MCPH1: variants seen among roughly 807,000 people sequenced by gnomAD.
The protein encoded by MCPH1 is microcephalin.
MCPH1 carries 104 observed loss-of-function variants against 84.5 expected under a neutral mutation model. The observed-to-expected ratio is 1.23, with a 90% CI of 1.05 to 1.45. The LOEUF (loss-of-function observed/expected upper bound fraction) is 1.45, where lower values mean the gene tolerates loss of function less well. MCPH1 is among the 40% of genes most tolerant of loss of function. MCPH1 has a pLI of 0.00. For synonymous variants in MCPH1, 514 were observed against 366.8 expected (o/e 1.40, Z -4.58); for missense variants, 1,498 against 1,005.7 (o/e 1.49, Z -6.62).
rs189785852 is a variant in MCPH1, at chr8:6,514,109, C to T, written c.2214+14180C>T. Among the ~76,000 whole-genome samples, 53 of 152,304 alleles carry T rather than the reference C, an allele frequency of 3.5e-4. 2 individuals carry two copies. Among genetic ancestry groups the T allele is most frequent in the African/African-American group, 1.3e-3 (52 of 41,556 alleles). Reference sequence around the variant, plus strand: ...CCAGCAGAAGCCTTGGCATAAACAGCTCAGTTCATGGGAATGTGAAGCACC... The same window carrying T: ...CCAGCAGAAGCCTTGGCATAAACAGTTCAGTTCATGGGAATGTGAAGCACC... On this transcript the variant is annotated intron_variant, in intron 12 of 13. Coordinates refer to ENST00000344683, the MANE Select transcript of MCPH1 (RefSeq NM_024596.5).
At chr8:6,636,564 C>G (rs2433144) in intron 13 of MCPH1, among the ~76,000 whole-genome samples, 2 of 152,068 alleles carry the variant, frequency 1.3e-5, no homozygotes, top group East Asian at 3.9e-4. Context: ...ATTGCAGCCT[C>G]TAACTCCTGG....
At chr8:6,568,752 A>ACTGTCTCCCGC (rs1826424179) in intron 12 of MCPH1, among the ~76,000 whole-genome samples, 1 of 152,320 alleles carries the variant, frequency 6.6e-6, no homozygotes, top group South Asian at 2.1e-4. Flanking sequence ...CCCTCCTGAG[A>ACTGTCTCCCGC]CTGTCTCCCG....
chr8:6,532,239 G>T, intron 12 of MCPH1: 4 of 1,451,242 alleles, frequency 2.8e-6, no homozygotes, highest in Admixed American at 2.0e-5. Flanking sequence ...GCTTTCTTTA[G>T]TTTCTCATGC....
chr8:6,443,237 G>A lies in MCPH1; in HGVS notation c.670+1081G>A, dbSNP rs531185124. On this transcript the variant is annotated intron_variant, in intron 7 of 13. Transcript: ENST00000344683. ...CAAACCCAAGCTTCTAACTTAGGCA[G>A]TCTGACATCACAGATTACACTCTTA... is the stretch of plus-strand genomic sequence containing the variant. Among the ~76,000 whole-genome samples, 3 of 152,344 alleles carry A rather than the reference G, an allele frequency of 2.0e-5. No individual in the cohort carries two copies. In the South Asian group the frequency reaches 6.2e-4, roughly 32 times the overall value.
chr8:6,469,922 T>G (rs1430487885), intron 9 of MCPH1, among the ~76,000 whole-genome samples: 1 of 152,160 alleles, frequency 6.6e-6, no homozygotes, highest in Non-Finnish European at 1.5e-5. Flanking sequence ...TGTTATTGTT[T>G]CTCACTGGTC....
chr8:6,581,070 CTA>C lies in MCPH1; in HGVS notation c.2215-40382_2215-40381del, dbSNP rs1827530766. On this transcript the variant is annotated intron_variant, in intron 12 of 13. Coordinates refer to ENST00000344683, the MANE Select transcript of MCPH1 (RefSeq NM_024596.5). ...ATAAGTAATCTAGGGATGATTTAAA[CTA>C]TGTGGGAAGATGTGCCTAGGTTATA... Among the ~76,000 whole-genome samples, 8 of 152,264 alleles carry C rather than the reference CTA, an allele frequency of 5.3e-5. No homozygotes were observed. The South Asian group carries it at 1.7e-3, about 32-fold the overall frequency.
chr8:6,554,739 C>T (rs1824288713), intron 12 of MCPH1, among the ~76,000 whole-genome samples: 1 of 152,102 alleles, frequency 6.6e-6, no homozygotes, highest in Non-Finnish European at 1.5e-5. Flanking sequence ...TAATTACCAT[C>T]AGAGGAGCCC....
At chr8:6,423,497 A>AT (rs1303837256) in intron 3 of MCPH1, among the ~76,000 whole-genome samples, 3 of 151,990 alleles carry the variant, frequency 2.0e-5, no homozygotes, top group Non-Finnish European at 4.4e-5. Context: ...ATTACAGGTC[A>AT]TTTTTTTGCC....
At chr8:6,495,537 A>C (rs1228633128) in intron 11 of MCPH1, among the ~76,000 whole-genome samples, 1 of 152,242 alleles carries the variant, frequency 6.6e-6, no homozygotes, top group African/African-American at 2.4e-5. Flanking sequence ...TACTAAGACA[A>C]AGGATCTATA....
rs910720706 is a variant in MCPH1, at chr8:6,508,756, T to C, written c.2214+8827T>C. 1.3e-5 allele frequency: 12 copies of C among 890,260 alleles called. No homozygotes were observed. In the African/African-American group the frequency reaches 1.8e-4, roughly 14 times the overall value. 55.1% of individuals were successfully genotyped at this position (890,260 alleles called of 1,614,324 possible). ...GTCTAGCTCCATATCATATTCTCAC[T>C]TAAAACTTAGTCTAAAAAAAGTGAA... On this transcript the variant is annotated intron_variant, in intron 12 of 13. Transcript: ENST00000344683.
intron 7 of MCPH1, among the ~76,000 whole-genome samples, chr8:6,444,019 T>G (rs182226349): frequency 6.6e-6 from 1 of 152,206 alleles, no homozygotes; most frequent in Non-Finnish European, 1.5e-5. Context: ...TCTAGAACTT[T>G]CCCTAGATCT....
chr8:6,480,851 G>A lies in MCPH1; in HGVS notation c.2111G>A (p.Gly704Asp), dbSNP rs1809131109. ...AATGTGCTGCTGGGAATTGCGCGTG[G>A]CTGCTGGGTTCTCTCTTATGATTGG... ...TLNVLLGIAR[G>D]CWVLSYDWVL... The change falls in exon 11 of 14, where the codon GGC becomes GAC. Residue 704 changes from glycine to aspartate, a missense_variant. Physicochemically the swap from Gly to Asp is moderately conservative, Grantham distance 94. Coordinates refer to ENST00000344683, the MANE Select transcript of MCPH1 (RefSeq NM_024596.5). 1 of 1,614,036 alleles carries A rather than the reference G, an allele frequency of 6.2e-7. No homozygotes were observed. Among genetic ancestry groups the A allele is most frequent in the South Asian group, 1.1e-5 (1 of 91,088 alleles).
At chr8:6,621,783 C>T (rs1831452529) in intron 13 of MCPH1, 92 bp downstream of exon 13, 28 of 1,554,926 alleles carry the variant, frequency 1.8e-5, no homozygotes, top group Admixed American at 3.3e-5. Flanking sequence ...CCCCCTTCCA[C>T]GCAGCTGGGG....
intron 12 of MCPH1, among the ~76,000 whole-genome samples, chr8:6,549,571 G>C (rs79537201): frequency 0.021 from 2,981 of 144,492 alleles, 100 homozygotes; most frequent in African/African-American, 0.074. Context: ...TGAGGGAGCC[G>C]CGTGCAGGGC....
At chr8:6,544,643 C>T (rs879586969) in intron 12 of MCPH1, among the ~76,000 whole-genome samples, 19 of 151,906 alleles carry the variant, frequency 1.3e-4, no homozygotes, top group African/African-American at 2.2e-4. Flanking sequence ...TGAAATGAAG[C>T]GCAAGCACAT....
At chr8:6,603,535 A>G (rs1256724920) in intron 12 of MCPH1, among the ~76,000 whole-genome samples, 1 of 152,192 alleles carries the variant, frequency 6.6e-6, no homozygotes, top group African/African-American at 2.4e-5. Context: ...GAATTTAGCT[A>G]ATGCATTCTC....
intron 13 of MCPH1, chr8:6,626,305 T>C (rs2129581536): frequency 1.0e-6 from 1 of 985,268 alleles, no homozygotes; most frequent in African/African-American, 1.7e-5. Context: ...GAGAATTTCA[T>C]CTGCGCCGCG....
intron 12 of MCPH1, among the ~76,000 whole-genome samples, chr8:6,613,266 G>A (rs1383625831): frequency 6.6e-6 from 1 of 152,218 alleles, no homozygotes; most frequent in African/African-American, 2.4e-5. Flanking sequence ...GAGGAGGGGA[G>A]GACGAGCCGG....
At chr8:6,446,739 C>G in intron 8 of MCPH1, 3 of 985,266 alleles carry the variant, frequency 3.0e-6, no homozygotes, top group Non-Finnish European at 3.6e-6. Context: ...ATTTTTTAAG[C>G]TTTTGAATAA....
Sources: allele counts gnomAD v4.1 joint callset (sites outside exome capture counted in the v4.1 genomes callset), GRCh38; gene constraint gnomAD v4.1.1; transcripts MANE v1.5; gene names NCBI Gene and HGNC (gene_info 2026-07-23, HGNC 2026-07-21).